Variants in LOXL2 observed in about 807,000 individuals in gnomAD.
LOXL2 encodes the protein lysyl oxidase homolog 2.
LOXL2 carries 70 observed loss-of-function variants against 93.0 expected under a neutral mutation model. That is an observed-to-expected ratio of 0.75 (90% CI 0.62 to 0.92). The LOEUF is 0.92. Ranked by LOEUF, LOXL2 falls within the 40% of genes least tolerant of loss-of-function variation. LOXL2 has a pLI of 0.00. For synonymous variants in LOXL2, 438 were observed against 413.2 expected (o/e 1.06, Z -0.73); for missense variants, 973 against 1,054.9 (o/e 0.92, Z 1.08).
chr8:23,403,711 G>C (rs1320954223), intron 1 of LOXL2, among the ~76,000 whole-genome samples: 1 of 151,964 alleles, frequency 6.6e-6, no homozygotes, highest in Non-Finnish European at 1.5e-5. Context: ...CGCTCCCCGG[G>C]CGCGCCAGCA....
chr8:23,320,248 A>G (rs1803472985), intron 7 of LOXL2, among the ~76,000 whole-genome samples, 196 bp from the exon 8 acceptor site: 1 of 152,138 alleles, frequency 6.6e-6, no homozygotes, highest in African/African-American at 2.4e-5. Flanking sequence ...TCCCCACCCC[A>G]GGCACCCTAA....
rs1455156744 is a variant in LOXL2 at position 23,341,145 on chromosome 8, T to C, written c.590A>G (p.Lys197Arg). Residue 197 changes from lysine (K) to arginine (R), a missense_variant, in exon 4 of 14, where the codon AAG becomes AGG. Physicochemically the swap from Lys to Arg is conservative, Grantham distance 26 (BLOSUM62 2). Transcript: ENST00000389131. ...RIRAILSTYR[K>R]RTPVMEGYVE... ...GTAGCCCTCCATCACTGGGGTGCGCTTGCGGTAGGTTGAGAGGATGGCTCG... is the reference window on the plus strand; with the variant it reads ...GTAGCCCTCCATCACTGGGGTGCGCCTGCGGTAGGTTGAGAGGATGGCTCG... The C allele has an allele frequency of 1.2e-6, 2 of 1,613,844 alleles. No individual in the cohort carries two copies. Among genetic ancestry groups the C allele is most frequent in the Non-Finnish European group, 1.7e-6 (2 of 1,180,028 alleles).
intron 7 of LOXL2, 110 bp from the exon 8 acceptor site, chr8:23,320,162 G>T: frequency 1.7e-6 from 2 of 1,161,952 alleles, no homozygotes; most frequent in Non-Finnish European, 2.4e-6. Context: ...GTGCTGCCCG[G>T]GACACACTCA....
At chr8:23,318,364 G>A (rs920810043) in intron 8 of LOXL2, among the ~76,000 whole-genome samples, 1 of 152,056 alleles carries the variant, frequency 6.6e-6, no homozygotes, top group Middle Eastern at 3.4e-3. Context: ...TTCATGCTGT[G>A]TGTGTGAGAG....
chr8:23,326,805 T>A (rs1257020721), intron 6 of LOXL2, among the ~76,000 whole-genome samples: 1 of 152,100 alleles, frequency 6.6e-6, no homozygotes, highest in Non-Finnish European at 1.5e-5. Flanking sequence ...AGCACTGTTA[T>A]ATGGCCCAAT....
At chr8:23,337,541 C>G (rs1803812830) in intron 4 of LOXL2, 1 of 152,220 alleles carries the variant, frequency 6.6e-6, no homozygotes, top group South Asian at 2.1e-4. Context: ...AGCATTTCTA[C>G]TCACTCACTG....
intron 1 of LOXL2, chr8:23,386,071 G>C (rs764597602): frequency 1.4e-5 from 11 of 764,708 alleles, no homozygotes; most frequent in Non-Finnish European, 2.4e-5. Context: ...GAGACAGAAA[G>C]GCTACATGAT....
At chr8:23,326,246 CCT>C (rs753762363) in intron 6 of LOXL2, among the ~76,000 whole-genome samples, 3 of 152,222 alleles carry the variant, frequency 2.0e-5, no homozygotes, top group Non-Finnish European at 4.4e-5. Context: ...ATGCCAAATG[CCT>C]CTTTCTCCCA....
At chr8:23,330,674 C>G (rs1273347584) in intron 5 of LOXL2, among the ~76,000 whole-genome samples, 2 of 152,106 alleles carry the variant, frequency 1.3e-5, no homozygotes, top group Non-Finnish European at 2.9e-5. Flanking sequence ...TTAAACCGCA[C>G]AGTAGAGGAA....
chr8:23,400,277 C>T (rs1485401571), intron 1 of LOXL2, among the ~76,000 whole-genome samples: 1 of 152,168 alleles, frequency 6.6e-6, no homozygotes, highest in East Asian at 1.9e-4. Context: ...GTTTAATGGA[C>T]TCACAATGCC....
intron 9 of LOXL2, among the ~76,000 whole-genome samples, chr8:23,312,590 A>T (rs1803336512): frequency 7.3e-6 from 1 of 137,866 alleles, no homozygotes; most frequent in African/African-American, 2.9e-5. Context: ...CCTTTGACAA[A>T]ATTCAACAAC....
intron 3 of LOXL2, among the ~76,000 whole-genome samples, chr8:23,354,970 T>G (rs1804166935): frequency 9.0e-6 from 1 of 110,834 alleles, no homozygotes; most frequent in Admixed American, 9.9e-5. Flanking sequence ...TTTTTTTTTT[T>G]TTTTTTTGAG....
chr8:23,394,455 GACA>G (rs932460596), intron 1 of LOXL2, among the ~76,000 whole-genome samples: 3 of 143,494 alleles, frequency 2.1e-5, no homozygotes, highest in African/African-American at 7.7e-5. Flanking sequence ...AACTTAAATA[GACA>G]CTTCCCCAAA....
At chr8:23,321,977 G>A (rs1046263388) in intron 7 of LOXL2, 153 bp downstream of exon 7, 16 of 849,222 alleles carry the variant, frequency 1.9e-5, no homozygotes, top group East Asian at 5.0e-5. Context: ...CCCGAGGTTC[G>A]AGGGGGAACT....
At chr8:23,360,977 T>C (rs1260440913) in intron 2 of LOXL2, among the ~76,000 whole-genome samples, 2 of 151,922 alleles carry the variant, frequency 1.3e-5, no homozygotes, top group African/African-American at 2.4e-5. Flanking sequence ...CTTGGCTCAC[T>C]TCAACCTCCG....
intron 1 of LOXL2, among the ~76,000 whole-genome samples, chr8:23,402,061 C>G (rs1279391798): frequency 2.0e-5 from 3 of 151,938 alleles, no homozygotes; most frequent in Admixed American, 2.0e-4. Flanking sequence ...CACACAAGTG[C>G]ACAAACGCGC....
chr8:23,305,740 C>A (rs548584752), intron 10 of LOXL2, among the ~76,000 whole-genome samples: 1 of 151,996 alleles, frequency 6.6e-6, no homozygotes, highest in African/African-American at 2.4e-5. Context: ...TGACACTTGG[C>A]GGAGGTCACT....
chr8:23,399,543 C>T (rs1228891391), intron 1 of LOXL2, among the ~76,000 whole-genome samples: 1 of 152,178 alleles, frequency 6.6e-6, no homozygotes, highest in African/African-American at 2.4e-5. Context: ...TGTTATCATG[C>T]TCAGCCCCCT....
At chr8:23,335,915 G>A (rs1006923632) in intron 4 of LOXL2, among the ~76,000 whole-genome samples, 7 of 152,298 alleles carry the variant, frequency 4.6e-5, no homozygotes, top group South Asian at 2.1e-4. Flanking sequence ...ACAATGACAC[G>A]GAATCTTGCT....
Sources: allele counts gnomAD v4.1 joint callset (sites outside exome capture counted in the v4.1 genomes callset), GRCh38; gene constraint gnomAD v4.1.1; transcripts MANE v1.5; gene names NCBI Gene and HGNC (gene_info 2026-07-23, HGNC 2026-07-21).